Variants in BABAM2 observed in about 807,000 individuals in gnomAD.
BABAM2 encodes BRISC and BRCA1-A complex member 2.
In BABAM2, 31 loss-of-function variants were observed where a neutral mutation model predicts 54.7. The ratio of observed to expected loss-of-function variants is 0.57; its 90% CI spans 0.43 to 0.77. The LOEUF (loss-of-function observed/expected upper bound fraction) is 0.77, where lower values mean the gene tolerates loss of function less well. BABAM2 is among the 30% of genes least tolerant of loss of function. The pLI, the probability that BABAM2 is intolerant of heterozygous loss-of-function variation, is 0.00. For missense variants in BABAM2, 364 were observed against 455.8 expected, an observed-to-expected ratio of 0.80 and a Z score of 1.83; for synonymous variants, 167 against 162.9, an observed-to-expected ratio of 1.03 and a Z score of -0.19.
chr2:28,022,957 A>G (rs1675380442), intron 4 of BABAM2, among the ~76,000 whole-genome samples: 1 of 152,258 alleles, frequency 6.6e-6, no homozygotes, highest in African/African-American at 2.4e-5. Context: ...GGTTCAAACC[A>G]CAAATTACCT....
At chr2:28,035,080 CATT>C (rs1474048870) in intron 5 of BABAM2, among the ~76,000 whole-genome samples, 1 of 152,002 alleles carries the variant, frequency 6.6e-6, no homozygotes, top group Non-Finnish European at 1.5e-5. Flanking sequence ...CAAAAAAACT[CATT>C]AATGATTTTT....
At chr2:28,332,336 AT>A (rs1457608418) in intron 11 of BABAM2, among the ~76,000 whole-genome samples, 1 of 152,184 alleles carries the variant, frequency 6.6e-6, no homozygotes, top group African/African-American at 2.4e-5. Flanking sequence ...TAGTGTCTGA[AT>A]TTAATAGATG....
chr2:28,016,301 C>T (rs1232947046), intron 4 of BABAM2: 2 of 1,012,292 alleles, frequency 2.0e-6, no homozygotes, highest in Admixed American at 3.8e-5. Context: ...TTTTTCTTCA[C>T]ATTCAACCAA....
In BABAM2 at chr2:27,977,283, G is replaced by A. The variant is rs570761531; in HGVS notation, c.206-10710G>A. 5.9e-5 allele frequency among the ~76,000 whole-genome samples: 9 copies of A among 152,128 alleles called. 1 individual carries two copies. Among genetic ancestry groups the A allele is most frequent in the Non-Finnish European group, 8.8e-5 (6 of 68,018 alleles). On this transcript the variant is annotated intron_variant, in intron 3 of 11. Coordinates refer to ENST00000379624, the MANE Select transcript of BABAM2 (RefSeq NM_199191.3). ...TATTGTTTATAAATTGTCATAAAGG[G>A]AGGTTTCCAGAAGGATGCCTAGCCA...
intron 7 of BABAM2, among the ~76,000 whole-genome samples, chr2:28,181,044 A>G (rs979543287): frequency 6.6e-6 from 1 of 152,212 alleles, no homozygotes; most frequent in Non-Finnish European, 1.5e-5. Flanking sequence ...TGTGGAAAAC[A>G]GTATGGAGGT....
intron 11 of BABAM2, among the ~76,000 whole-genome samples, chr2:28,312,571 G>A (rs1048717337): frequency 3.3e-5 from 5 of 152,134 alleles, no homozygotes; most frequent in African/African-American, 1.2e-4. Context: ...AGGAAGTTAC[G>A]TAGTTCTTCT....
At chr2:27,938,700 C>G (rs948575505) in intron 3 of BABAM2, among the ~76,000 whole-genome samples, 1 of 151,824 alleles carries the variant, frequency 6.6e-6, no homozygotes, top group Admixed American at 6.6e-5. Context: ...AGCTCTTTGC[C>G]TTTTTAAAGA....
intron 7 of BABAM2, among the ~76,000 whole-genome samples, chr2:28,170,035 T>G (rs1034616861): frequency 1.3e-5 from 2 of 152,146 alleles, no homozygotes; most frequent in African/African-American, 4.8e-5. Context: ...GTTTGTGAAT[T>G]TCAGACAATA....
chr2:28,225,567 G>A (rs1195060343), intron 7 of BABAM2, among the ~76,000 whole-genome samples: 1 of 152,048 alleles, frequency 6.6e-6, no homozygotes, highest in Admixed American at 6.6e-5. Flanking sequence ...ATATTTCTGA[G>A]GATCAGTCAC....
At chr2:28,045,383 T>A (rs1677478675) in intron 5 of BABAM2, among the ~76,000 whole-genome samples, 1 of 152,200 alleles carries the variant, frequency 6.6e-6, no homozygotes, top group African/African-American at 2.4e-5. Flanking sequence ...AAGGGGTAGG[T>A]CTGTCTTTAT....
intron 3 of BABAM2, among the ~76,000 whole-genome samples, chr2:27,930,697 A>C (rs1445319929): frequency 6.6e-6 from 1 of 152,190 alleles, no homozygotes; most frequent in Non-Finnish European, 1.5e-5. Context: ...TCTTGGATGG[A>C]TAGTATGGAA....
At chr2:28,203,007 G>T (rs1300310920) in intron 7 of BABAM2, among the ~76,000 whole-genome samples, 1 of 152,092 alleles carries the variant, frequency 6.6e-6, no homozygotes, top group African/African-American at 2.4e-5. Flanking sequence ...CATTATGGGG[G>T]CACATCCTCT....
intron 6 of BABAM2, among the ~76,000 whole-genome samples, chr2:28,100,544 A>T (rs1048315111): frequency 2.0e-5 from 3 of 151,098 alleles, no homozygotes; most frequent in African/African-American, 7.3e-5. Flanking sequence ...GTATATGTGT[A>T]TGCCCGTTCC....
Position 28,129,356 on chromosome 2 carries a change from T to C in BABAM2, c.656T>C (p.Leu219Pro). The change falls in exon 7 of 12, where the codon CTG (leucine) becomes CCG (proline). Residue 219 changes from leucine to proline, a missense_variant. Physicochemically the swap from Leu to Pro is moderately conservative, Grantham distance 98 (BLOSUM62 -3). Transcript: ENST00000379624. ...GAAGCCACCCAGGTGTACCCCAAGCTGTACTTGTCACCTCGAATTGAGCAG... is the reference window on the plus strand; with the variant it reads ...GAAGCCACCCAGGTGTACCCCAAGCCGTACTTGTCACCTCGAATTGAGCAG... The part of the protein sequence containing the change: ...DTEATQVYPK[L>P]YLSPRIEHAL... 1 of 1,614,044 alleles carries C rather than the reference T, an allele frequency of 6.2e-7. No individual in the cohort carries two copies. The highest frequency in any genetic ancestry group is 8.5e-7 in the Non-Finnish European group (1 of 1,179,846).
chr2:28,183,626 A>G (rs1200856714), intron 7 of BABAM2, among the ~76,000 whole-genome samples: 3 of 152,090 alleles, frequency 2.0e-5, no homozygotes, highest in Non-Finnish European at 2.9e-5. Flanking sequence ...ACTGGTTCAG[A>G]CAGCATCCAA....
intron 11 of BABAM2, among the ~76,000 whole-genome samples, chr2:28,299,217 A>T (rs1444386585): frequency 1.3e-5 from 2 of 152,230 alleles, no homozygotes; most frequent in East Asian, 3.8e-4. Context: ...GATTTCATAG[A>T]GGTCGAAGTT....
chr2:28,136,566 G>A (rs1670561412), intron 7 of BABAM2, among the ~76,000 whole-genome samples: 1 of 152,232 alleles, frequency 6.6e-6, no homozygotes, highest in African/African-American at 2.4e-5. Flanking sequence ...CTTGTGGCTA[G>A]CCAGGAGGAT....
chr2:28,299,500 A>G, intron 11 of BABAM2, among the ~76,000 whole-genome samples: 1 of 152,166 alleles, frequency 6.6e-6, no homozygotes, highest in Admixed American at 6.6e-5. Context: ...CACACCTGTG[A>G]TCCCAGCTGA....
chr2:27,992,104 G>T (rs1672823651), intron 4 of BABAM2, among the ~76,000 whole-genome samples: 1 of 152,112 alleles, frequency 6.6e-6, no homozygotes, highest in Non-Finnish European at 1.5e-5. Flanking sequence ...TCGCACTGTA[G>T]TTTTGATTTG....
Sources: gnomAD v4.1 joint callset for allele counts (sites outside exome capture counted in the v4.1 genomes callset) on GRCh38, gnomAD v4.1.1 for gene constraint, MANE v1.5 for transcripts, NCBI Gene and HGNC (gene_info 2026-07-23, HGNC 2026-07-21) for gene names.